Variants in ZNF804B observed in about 807,000 individuals in gnomAD.
ZNF804B encodes the protein zinc finger 804B.
In ZNF804B, 80 loss-of-function variants were observed where a neutral mutation model predicts 101.4. That is an observed-to-expected ratio of 0.79 (90% CI 0.66 to 0.95). The LOEUF (loss-of-function observed/expected upper bound fraction) is 0.95. Among genes scored for constraint, ZNF804B ranks in the 40% least tolerant of loss-of-function variants. ZNF804B has a pLI of 0.00. For synonymous variants in ZNF804B, 622 were observed against 558.8 expected, an observed-to-expected ratio of 1.11 and a Z score of -1.59; for missense variants, 1,673 against 1,561.9, an observed-to-expected ratio of 1.07 and a Z score of -1.20.
chr7:89,250,476 G>A (rs1364356298), intron 2 of ZNF804B, among the ~76,000 whole-genome samples: 1 of 151,992 alleles, frequency 6.6e-6, no homozygotes, highest in Non-Finnish European at 1.5e-5. Flanking sequence ...AAAAGCCCTG[G>A]ATCAGATGGA....
At chr7:89,185,897 A>G (rs534452962) in intron 1 of ZNF804B, among the ~76,000 whole-genome samples, 1 of 152,200 alleles carries the variant, frequency 6.6e-6, no homozygotes, top group South Asian at 2.1e-4. Flanking sequence ...AAAAAGAAAA[A>G]AAAAAGACAC....
intron 1 of ZNF804B, among the ~76,000 whole-genome samples, chr7:88,793,844 GA>G (rs1790424111): frequency 6.6e-6 from 1 of 152,052 alleles, no homozygotes; most frequent in African/African-American, 2.4e-5. Context: ...ATTAACTCTT[GA>G]GGGATTGGAT....
chr7:89,144,667 T>C (rs62461908), intron 1 of ZNF804B, among the ~76,000 whole-genome samples: 11,681 of 151,946 alleles, frequency 0.077, 496 homozygotes, highest in South Asian at 0.092. Flanking sequence ...ATAAGGTAGA[T>C]TTCAAAATTG....
chr7:88,877,017 T>A lies in ZNF804B; in HGVS notation c.108+116933T>A, dbSNP rs1359386366. 9.0e-5 allele frequency among the ~76,000 whole-genome samples: 8 copies of A among 88,992 alleles called. No homozygotes were observed. The South Asian group carries it at 2.4e-3, about 27-fold the overall frequency. The allele number at this position is 88,992 out of a possible 152,430, so 58.4% of individuals were successfully genotyped here. A position where few individuals can be genotyped will look rare whatever the true frequency, so the allele number is the denominator to read the frequency against. ...ATATTTGAAAAAAAAAATATATATA[T>A]ATATATATAATATATATATATATAT... On this transcript the variant is annotated intron_variant, in intron 1 of 3. Coordinates refer to ENST00000333190, the MANE Select transcript of ZNF804B (RefSeq NM_181646.5).
chr7:89,187,196 A>T (rs575484979), intron 1 of ZNF804B, among the ~76,000 whole-genome samples: 8 of 152,136 alleles, frequency 5.3e-5, no homozygotes, highest in Non-Finnish European at 1.2e-4. Flanking sequence ...CAGGGAATTA[A>T]CTTTAGCCCT....
chr7:88,941,322 T>C (rs1793051195), intron 1 of ZNF804B, among the ~76,000 whole-genome samples: 1 of 152,072 alleles, frequency 6.6e-6, no homozygotes, highest in African/African-American at 2.4e-5. Context: ...CAGATATTTA[T>C]AGCAGCTTTA....
intron 2 of ZNF804B, among the ~76,000 whole-genome samples, chr7:89,218,911 G>A (rs1365220797): frequency 6.6e-6 from 1 of 152,070 alleles, no homozygotes; most frequent in East Asian, 1.9e-4. Flanking sequence ...GAAAGAGGAG[G>A]AGTTGGTCTT....
At chr7:89,319,806 TA>T in intron 2 of ZNF804B, among the ~76,000 whole-genome samples, 1 of 152,262 alleles carries the variant, frequency 6.6e-6, no homozygotes, top group Non-Finnish European at 1.5e-5. Context: ...TGATCTTAAA[TA>T]AAGCAACAAA....
At chr7:89,286,191 T>G (rs1231685705) in intron 2 of ZNF804B, among the ~76,000 whole-genome samples, 2 of 152,160 alleles carry the variant, frequency 1.3e-5, no homozygotes, top group Non-Finnish European at 2.9e-5. Context: ...CTGTAGCCTC[T>G]AAATCGGGAC....
intron 1 of ZNF804B, among the ~76,000 whole-genome samples, chr7:88,962,192 G>A (rs1038577770): frequency 6.6e-6 from 1 of 151,186 alleles, no homozygotes; most frequent in Non-Finnish European, 1.5e-5. Context: ...ACTTCCTTAA[G>A]GACCAGAAGT....
rs1317126486 is a variant in ZNF804B, at chr7:89,015,847, C to T, written c.109-202308C>T. On this transcript the variant is annotated intron_variant, in intron 1 of 3. Transcript: ENST00000333190. ...CATGATTTATAGTCCTTTGGGTATACACCCAGTAATGGGATGGCTGGGTCA... is the reference window on the plus strand; with the variant it reads ...CATGATTTATAGTCCTTTGGGTATATACCCAGTAATGGGATGGCTGGGTCA... 4.6e-5 allele frequency among the ~76,000 whole-genome samples: 7 copies of T among 152,062 alleles called. No homozygotes were observed. The East Asian group carries it at 5.8e-4, about 13-fold the overall frequency.
intron 1 of ZNF804B, among the ~76,000 whole-genome samples, chr7:88,859,431 A>G (rs1490935312): frequency 6.6e-6 from 1 of 151,808 alleles, no homozygotes; most frequent in East Asian, 1.9e-4. Flanking sequence ...ACATTTAAAA[A>G]TAATAATTCA....
chr7:88,890,971 C>T (rs762166400), intron 1 of ZNF804B, among the ~76,000 whole-genome samples: 4 of 151,946 alleles, frequency 2.6e-5, no homozygotes, highest in Admixed American at 1.3e-4. Flanking sequence ...AACTGACATA[C>T]GTATTTATCT....
chr7:88,980,483 T>C (rs1157307578), intron 1 of ZNF804B, among the ~76,000 whole-genome samples: 1 of 152,094 alleles, frequency 6.6e-6, no homozygotes, highest in East Asian at 1.9e-4. Flanking sequence ...AATTAATTGT[T>C]GTGATCTAAG....
chr7:89,280,438 A>G lies in ZNF804B; in HGVS notation c.250-46906A>G, dbSNP rs554676384. ...CAGAACTGAAGGAAATAGAGACACA[A>G]AAAACCCTTCAAAAAATTAATGAAT... is the stretch of plus-strand genomic sequence containing the variant. On this transcript the variant is annotated intron_variant, in intron 2 of 3. Coordinates refer to ENST00000333190, the MANE Select transcript of ZNF804B (RefSeq NM_181646.5). Among the ~76,000 whole-genome samples, 577 of 152,080 alleles carry G rather than the reference A, an allele frequency of 3.8e-3. 3 individuals are homozygous for G. The highest frequency in any genetic ancestry group is 0.013 in the African/African-American group (554 of 41,492).
intron 2 of ZNF804B, among the ~76,000 whole-genome samples, chr7:89,240,040 A>C (rs928015897): frequency 6.6e-6 from 1 of 151,652 alleles, no homozygotes; most frequent in East Asian, 1.9e-4. Context: ...AGGATAAAAT[A>C]ATAATTAATT....
intron 1 of ZNF804B, among the ~76,000 whole-genome samples, chr7:88,845,722 T>C (rs1217954611): frequency 6.6e-6 from 1 of 152,168 alleles, no homozygotes. Context: ...ACCTCATCTC[T>C]AAAATCTTCC....
chr7:89,173,993 G>T (rs1487075483), intron 1 of ZNF804B, among the ~76,000 whole-genome samples: 2 of 151,972 alleles, frequency 1.3e-5, no homozygotes, highest in Non-Finnish European at 2.9e-5. Context: ...GGGTATGTGA[G>T]ATATTTTGTT....
At chr7:88,846,348 C>T (rs955511404) in intron 1 of ZNF804B, among the ~76,000 whole-genome samples, 1 of 152,080 alleles carries the variant, frequency 6.6e-6, no homozygotes, top group African/African-American at 2.4e-5. Flanking sequence ...AAAAACAATT[C>T]CAGTGAGAAA....
Sources: gnomAD v4.1 joint callset for allele counts (sites outside exome capture counted in the v4.1 genomes callset) on GRCh38, gnomAD v4.1.1 for gene constraint, MANE v1.5 for transcripts, NCBI Gene and HGNC (gene_info 2026-07-23, HGNC 2026-07-21) for gene names.